Variants in TEX9 observed in about 807,000 individuals in gnomAD.
TEX9 encodes the protein testis-expressed protein 9.
TEX9 carries 74 observed loss-of-function variants against 59.6 expected under a neutral mutation model. The observed-to-expected ratio is 1.24, with a 90% CI of 1.03 to 1.51. TEX9 has a LOEUF of 1.51. TEX9 is among the 40% of genes most tolerant of loss of function. The probability of loss-of-function intolerance (pLI) is 0.00; values close to 1 mark genes in which losing one functional copy is unlikely to be tolerated. For missense variants in TEX9, 522 were observed against 447.8 expected (o/e 1.17, Z -1.49); for synonymous variants, 186 against 152.2 (o/e 1.22, Z -1.64).
intron 1 of TEX9, among the ~76,000 whole-genome samples, chr15:56,317,040 G>A (rs529524414): frequency 2.8e-4 from 43 of 152,198 alleles, no homozygotes; most frequent in African/African-American, 1.0e-3. Flanking sequence ...ACTGACCTGC[G>A]CCCACTGTCT....
chr15:56,246,233 C>T lies in TEX9; in HGVS notation c.-107+1955C>T, dbSNP rs554713053. 6.6e-5 allele frequency among the ~76,000 whole-genome samples: 10 copies of T among 152,286 alleles called. No individual in the cohort carries two copies. The East Asian group carries it at 1.7e-3, about 26-fold the overall frequency. On this transcript the variant is annotated intron_variant, in intron 1 of 5. Coordinates refer to the TEX9 transcript ENST00000560827. ...GCAGCCGCGGGCTGCCCTCTAGCGGCGGTGCTGACCGGAGTGTGGTGGTAA... is the reference window on the plus strand; with the variant it reads ...GCAGCCGCGGGCTGCCCTCTAGCGGTGGTGCTGACCGGAGTGTGGTGGTAA...
intron 1 of TEX9, among the ~76,000 whole-genome samples, chr15:56,349,743 ATG>A (rs35080368): frequency 8.6e-5 from 13 of 151,820 alleles, no homozygotes; most frequent in Admixed American, 8.5e-4. Flanking sequence ...ACGTGTATAT[ATG>A]TGTGTGTATA....
chr15:56,261,352 C>T (rs188679357), intron 1 of TEX9, among the ~76,000 whole-genome samples: 1 of 151,518 alleles, frequency 6.6e-6, no homozygotes, highest in Non-Finnish European at 1.5e-5. Context: ...CAACTTTCTT[C>T]TAATCATTGT....
the TEX9 span, among the ~76,000 whole-genome samples, chr15:56,452,849 G>A: frequency 3.3e-5 from 5 of 152,214 alleles, no homozygotes; most frequent in South Asian, 2.1e-4. Flanking sequence ...TTTAGCCACA[G>A]TGAATCATCC....
intron 12 of TEX9, among the ~76,000 whole-genome samples, chr15:56,441,079 T>C (rs1383047386): frequency 2.0e-5 from 3 of 152,192 alleles, no homozygotes; most frequent in Admixed American, 1.3e-4. Flanking sequence ...TTTGGAATGC[T>C]GTTTTTTGAA....
intron 1 of TEX9, among the ~76,000 whole-genome samples, chr15:56,310,357 G>A (rs1463885711): frequency 5.3e-5 from 8 of 152,180 alleles, no homozygotes; most frequent in African/African-American, 1.4e-4. Context: ...ACTTGAACCC[G>A]GGAGGTGGAG....
At chr15:56,394,563 T>G (rs750489402) in intron 8 of TEX9, 98 bp from the exon 9 acceptor site, 8 of 914,406 alleles carry the variant, frequency 8.7e-6, no homozygotes, top group Non-Finnish European at 9.8e-6. Flanking sequence ...GAAACGTGTA[T>G]AAATATCAAA....
At position 56,272,143 on chromosome 15, in the gene TEX9, CA is replaced by C. The variant is rs34084962; in HGVS notation, c.-107+27878del. Among the ~76,000 whole-genome samples, 262 of 143,924 alleles carry C rather than the reference CA, an allele frequency of 1.8e-3. 1 individual carries two copies. The highest frequency in any genetic ancestry group is 5.4e-3 in the African/African-American group (208 of 38,526). 94.4% of individuals were successfully genotyped at this position (143,924 alleles called of 152,430 possible). A position where few individuals can be genotyped will look rare whatever the true frequency, so the allele number is the denominator to read the frequency against. ...TGGGTGACAGAGCAACATTCCATCT[CA>C]AAAAAAAAAAAATGTACAATTTAGT... On this transcript the variant is annotated intron_variant, in intron 1 of 5. Transcript: ENST00000560827.
intron 1 of TEX9, among the ~76,000 whole-genome samples, chr15:56,355,792 T>C (rs1476802704): frequency 1.2e-4 from 18 of 152,122 alleles, no homozygotes; most frequent in Non-Finnish European, 2.4e-4. Context: ...ATTTTGTACA[T>C]GTTTTGGTAG....
intron 5 of TEX9, among the ~76,000 whole-genome samples, 179 bp from the exon 6 acceptor site, chr15:56,389,139 T>C (rs2048093415): frequency 6.6e-6 from 1 of 152,062 alleles, no homozygotes; most frequent in Non-Finnish European, 1.5e-5. Flanking sequence ...GTTTTGGTGT[T>C]ATCTAGGTCT....
chr15:56,388,624 A>T (rs2056647843), intron 5 of TEX9, 104 bp downstream of exon 5: 1 of 908,044 alleles, frequency 1.1e-6, no homozygotes, highest in Non-Finnish European at 1.8e-6. Flanking sequence ...ACTCAACAGA[A>T]ATAGAATATG....
At chr15:56,351,861 C>CTCTACAAAATGCTTTATTTTGGTTTA (rs1302829993) in intron 1 of TEX9, among the ~76,000 whole-genome samples, 4 of 152,090 alleles carry the variant, frequency 2.6e-5, no homozygotes, top group Non-Finnish European at 5.9e-5. Flanking sequence ...AAGTTGAGTT[C>CTCTACAAAATGCTTTATTTTGGTTTA]TCTACAAAAT....
At chr15:56,365,532 C>T in intron 1 of TEX9, 47 bp from the exon 2 acceptor site, 2 of 1,614,212 alleles carry the variant, frequency 1.2e-6, no homozygotes, top group Non-Finnish European at 1.7e-6. Flanking sequence ...ACTAGGACGC[C>T]TAACTTCCTT....
chr15:56,323,228 A>G (rs916283738), intron 1 of TEX9: 3 of 216,892 alleles, frequency 1.4e-5, no homozygotes, highest in Admixed American at 8.3e-5. Flanking sequence ...TCAACTTCTC[A>G]AAGTTCTCTA....
chr15:56,385,926 T>A (rs1175760710), intron 4 of TEX9, among the ~76,000 whole-genome samples: 1 of 152,060 alleles, frequency 6.6e-6, no homozygotes, highest in Non-Finnish European at 1.5e-5. Flanking sequence ...TTGCATGCGA[T>A]CCAGTATTTC....
chr15:56,347,533 A>G (rs896486551), intron 1 of TEX9, among the ~76,000 whole-genome samples: 3 of 152,102 alleles, frequency 2.0e-5, no homozygotes, highest in African/African-American at 7.2e-5. Context: ...CATAGGCAAA[A>G]AAAAAGGAAG....
At chr15:56,426,056 T>A (rs1341435122) in intron 10 of TEX9, among the ~76,000 whole-genome samples, 2 of 152,164 alleles carry the variant, frequency 1.3e-5, no homozygotes, top group African/African-American at 4.8e-5. Flanking sequence ...CCTCTGCCCA[T>A]AATTTTTTGC....
At chr15:56,374,075 ATAAT>A (rs2047314246) in intron 3 of TEX9, 1 of 151,768 alleles carries the variant, frequency 6.6e-6, no homozygotes, top group Non-Finnish European at 1.5e-5. Context: ...AAAAATATTT[ATAAT>A]TAAATTTATA....
intron 1 of TEX9, among the ~76,000 whole-genome samples, chr15:56,339,383 C>CAAAAAAAAAAAAAAAAAAAAA (rs71456382): frequency 9.8e-5 from 3 of 30,764 alleles, no homozygotes; most frequent in African/African-American, 3.6e-4. Flanking sequence ...ACTCCTTCTC[C>CAAAAAAAAAAAAAAAAAAAAA]AAAAAAAAAA....
Sources: allele counts gnomAD v4.1 joint callset (sites outside exome capture counted in the v4.1 genomes callset), GRCh38; gene constraint gnomAD v4.1.1; transcripts MANE v1.5; gene names NCBI Gene and HGNC (gene_info 2026-07-23, HGNC 2026-07-21).